The following TNS1 variants were observed in gnomAD, a reference collection of about 807,000 sequenced individuals.
TNS1 encodes the protein tensin 1.
TNS1 carries 62 observed loss-of-function variants against 168.6 expected under a neutral mutation model. The observed-to-expected ratio is 0.37, with a 90% confidence interval of 0.30 to 0.45. TNS1 has a LOEUF of 0.45. TNS1 is among the 20% of genes least tolerant of loss of function. The pLI is 1.00. For missense variants in TNS1, 2,240 were observed against 2,339.4 expected, an observed-to-expected ratio of 0.96 and a Z score of 0.88; for synonymous variants, 934 against 933.2, an observed-to-expected ratio of 1.00 and a Z score of -0.02.
rs1192013083 is a variant in TNS1, at chr2:217,986,509, T to C, written c.148+4433A>G. 6.6e-6 allele frequency among the ~76,000 whole-genome samples: 1 copy of C among 152,158 alleles called. No individual in the cohort carries two copies. Among genetic ancestry groups the C allele is most frequent in the Non-Finnish European group, 1.5e-5 (1 of 68,012 alleles). On this transcript the variant is annotated intron_variant, in intron 2 of 32. Coordinates refer to ENST00000682258, the MANE Select transcript of TNS1 (RefSeq NM_001387777.1). The surrounding 1 kb of genome is among the most constrained non-coding windows in gnomAD (Gnocchi z 4.7). ...TATCTTCCTGTGGGTTTCGGCCTGG[T>C]GGGAGGTAGAGCCCTTGAGCAAAGC...
chr2:217,893,640 G>A (rs143114872), intron 9 of TNS1, 79 bp from the exon 10 acceptor site: 325 of 1,514,782 alleles, frequency 2.1e-4, no homozygotes, highest in African/African-American at 1.3e-3. Flanking sequence ...CCTACGCCAC[G>A]TGCCAGTACC....
chr2:217,945,515 A>G (rs1489523884), intron 3 of TNS1, among the ~76,000 whole-genome samples: 1 of 152,166 alleles, frequency 6.6e-6, no homozygotes, highest in African/African-American at 2.4e-5. Flanking sequence ...CGCTCCACTC[A>G]TCCTCTGCCT....
At chr2:217,965,079 C>T (rs2126012740) in intron 3 of TNS1, among the ~76,000 whole-genome samples, 1 of 152,326 alleles carries the variant, frequency 6.6e-6, no homozygotes, top group Middle Eastern at 3.4e-3. Flanking sequence ...CAGAGGAATC[C>T]ATTGGAACAG....
intron 3 of TNS1, among the ~76,000 whole-genome samples, chr2:217,973,367 G>GAAAAA (rs58463140): frequency 1.6e-4 from 15 of 93,582 alleles, no homozygotes; most frequent in African/African-American, 5.7e-4. Context: ...TCCTGTCTCT[G>GAAAAA]AAAAAAAAAA....
intron 1 of TNS1, among the ~76,000 whole-genome samples, chr2:218,000,754 C>T (rs1958547907): frequency 6.6e-6 from 1 of 152,216 alleles, no homozygotes; most frequent in Non-Finnish European, 1.5e-5. Context: ...GCCCCAGTCT[C>T]TGGCCCATCC....
rs1052573884 is a variant in TNS1, at chr2:217,848,504, C to G, written c.2013G>C (p.Lys671Asn). Residue 671 changes from lysine to asparagine, a missense_variant, in exon 19 of 33, where the codon AAG (lysine) becomes AAC (asparagine). By Grantham distance (94) the Lys-to-Asn change is moderately conservative. Around this residue, in one of 2 missense-constraint regions of TNS1, gnomAD observed 2,131 missense variants for 2,171.2 expected, o/e 0.98. Coordinates refer to ENST00000682258, the MANE Select transcript of TNS1 (RefSeq NM_001387777.1). ...ALSPLTNGLD[K>N]SYPMEPMVNG... The stretch of plus-strand genomic sequence containing the variant: ...TGACCATAGGCTCCATGGGGTAGGA[C>G]TTGTCCAGACCGTTGGTCAGTGGGG... The G allele has an allele frequency of 6.2e-7, 1 of 1,613,422 alleles. No homozygotes were observed. The highest frequency in any genetic ancestry group is 1.3e-5 in the African/African-American group (1 of 74,928).
intron 3 of TNS1, among the ~76,000 whole-genome samples, chr2:217,950,045 T>A (rs1182411740): frequency 2.0e-5 from 3 of 152,162 alleles, no homozygotes; most frequent in African/African-American, 7.2e-5. Context: ...CCAAAGGAGA[T>A]AAGAATTCTA....
intron 19 of TNS1, among the ~76,000 whole-genome samples, chr2:217,841,562 T>C (rs571975379): frequency 1.3e-5 from 2 of 152,136 alleles, no homozygotes; most frequent in Admixed American, 6.5e-5. Context: ...AAGGTCCTGC[T>C]TCTCCAAGAG....
rs1300876097 is a variant in TNS1, at chr2:217,986,562, G to A, written c.148+4380C>T. Among the ~76,000 whole-genome samples the A allele has an allele frequency of 1.3e-5, 2 of 152,130 alleles. No homozygotes were observed. The highest frequency in any genetic ancestry group is 4.8e-5 in the African/African-American group (2 of 41,418). On this transcript the variant is annotated intron_variant, in intron 2 of 32. Transcript: ENST00000682258. The surrounding 1 kb of genome is among the most constrained non-coding windows in gnomAD (Gnocchi z 4.7). ...TGAGTCCACATAGCCTCCCTCTGGGGCCTCCTGTGCACATGGACTCCCATA... is the reference window on the plus strand; with the variant it reads ...TGAGTCCACATAGCCTCCCTCTGGGACCTCCTGTGCACATGGACTCCCATA...
chr2:217,907,289 C>A (rs1418363880), intron 4 of TNS1, 38 bp from the exon 5 acceptor site: 2 of 702,826 alleles, frequency 2.8e-6, no homozygotes. Flanking sequence ...GCCCTTAGGG[C>A]AGACATCCCA....
intron 1 of TNS1, among the ~76,000 whole-genome samples, chr2:218,029,325 T>A (rs1559415103): frequency 6.6e-6 from 1 of 152,226 alleles, no homozygotes. Flanking sequence ...ATCAAGGTGC[T>A]GAAGTTCTCC....
In TNS1 at chr2:217,995,831, A is replaced by G. The variant is rs1397493620; in HGVS notation, c.34-4775T>C. Among the ~76,000 whole-genome samples the G allele has an allele frequency of 3.3e-5, 5 of 152,264 alleles. No individual in the cohort carries two copies. In the South Asian group the frequency reaches 6.2e-4, roughly 19 times the overall value. On this transcript the variant is annotated intron_variant, in intron 1 of 32. Coordinates refer to ENST00000682258, the MANE Select transcript of TNS1 (RefSeq NM_001387777.1). This position sits in a 1 kb window ranked among gnomAD's most constrained non-coding sequence, Gnocchi z 4.1. ...CAGGAAAGGGGAAGGGCTCCAGCCT[A>G]TAAGTCCTTCTTCTCCTCCCTCCAA...
rs893982737 is a variant in TNS1 at position 217,903,552 on chromosome 2, A to T, written c.321+2783T>A. ...CTCTCAAGACACAGGTTGATTACAG[A>T]ACTTTTCATCCAACTCTCTAAACAC... On this transcript the variant is annotated intron_variant, in intron 6 of 32. Coordinates refer to ENST00000682258, the MANE Select transcript of TNS1 (RefSeq NM_001387777.1). 4 of 1,526,956 alleles carry T rather than the reference A, an allele frequency of 2.6e-6. No homozygotes were observed. The African/African-American group carries it at 5.5e-5, about 21-fold the overall frequency. 94.6% of individuals were successfully genotyped at this position (1,526,956 alleles called of 1,614,324 possible). A position where few individuals can be genotyped will look rare whatever the true frequency, so the allele number is the denominator to read the frequency against.
chr2:217,845,822 T>C (rs1035138418), intron 19 of TNS1, among the ~76,000 whole-genome samples: 14 of 152,302 alleles, frequency 9.2e-5, no homozygotes, highest in African/African-American at 3.1e-4. Context: ...CCAGGAGAGC[T>C]GCATGGAAGG....
At chr2:217,849,852 C>T (rs1574802579) in intron 18 of TNS1, 2 of 985,254 alleles carry the variant, frequency 2.0e-6, no homozygotes, top group Non-Finnish European at 2.4e-6. Context: ...CAGCAAAGGG[C>T]CCCACCATGC....
intron 3 of TNS1, among the ~76,000 whole-genome samples, chr2:217,922,615 G>C (rs1955783336): frequency 6.6e-6 from 1 of 152,240 alleles, no homozygotes; most frequent in African/African-American, 2.4e-5. Context: ...TTTTGAACCA[G>C]CAGCAGAAGA....
upstream of TNS1, among the ~76,000 whole-genome samples, chr2:218,014,896 G>GAAGGAAGGAAGGAAGGAAGGAAGGAAGT (rs1958742581): frequency 6.6e-6 from 1 of 150,766 alleles, no homozygotes; most frequent in African/African-American, 2.5e-5. Flanking sequence ...AGGAAGGAAG[G>GAAGGAAGGAAGGAAGGAAGGAAGGAAGT]AAGGAAGGAA....
At chr2:217,883,826 A>G (rs1472742315) in intron 16 of TNS1, among the ~76,000 whole-genome samples, 1 of 152,172 alleles carries the variant, frequency 6.6e-6, no homozygotes, top group East Asian at 1.9e-4. Context: ...CACTAAGGAG[A>G]TCTGGACCCT....
intron 16 of TNS1, among the ~76,000 whole-genome samples, chr2:217,883,646 C>G (rs978381632): frequency 2.0e-5 from 3 of 152,206 alleles, no homozygotes; most frequent in Non-Finnish European, 2.9e-5. Flanking sequence ...TGTGACCCTT[C>G]CTTCTCTCAA....
Sources: gnomAD v4.1 joint callset for allele counts (sites outside exome capture counted in the v4.1 genomes callset) on GRCh38, gnomAD v4.1.1 for gene constraint, gnomAD v4.1.1 regional missense constraint, Gnocchi (gnomAD v3.1) non-coding constraint, MANE v1.5 for transcripts, NCBI Gene and HGNC (gene_info 2026-07-23, HGNC 2026-07-21) for gene names.